LY9: variants seen among roughly 807,000 people sequenced by gnomAD.
LY9 encodes the protein lymphocyte antigen 9, also known as T-lymphocyte surface antigen Ly-9.
A neutral mutation model predicts 64.6 loss-of-function variants in LY9; 59 were observed. The ratio of observed to expected loss-of-function variants is 0.91; its 90% CI spans 0.74 to 1.13. LY9 has a LOEUF of 1.13. Ranked by LOEUF, LY9 falls within the 50% of genes most tolerant of loss-of-function variation. The pLI is 0.00. For synonymous variants in LY9, 281 were observed against 308.5 expected, an observed-to-expected ratio of 0.91 and a Z score of 0.93; for missense variants, 789 against 797.2, an observed-to-expected ratio of 0.99 and a Z score of 0.12.
chr1:160,807,103 CTT>C (rs1281385823), intron 2 of LY9, among the ~76,000 whole-genome samples: 3 of 152,106 alleles, frequency 2.0e-5, no homozygotes, highest in Admixed American at 6.6e-5. Flanking sequence ...ATATCTATCT[CTT>C]TGGTTAATTT....
chr1:160,802,204 T>C, intron 2 of LY9: 2 of 1,166,394 alleles, frequency 1.7e-6, no homozygotes, highest in South Asian at 2.9e-5. Context: ...GCTTGGTCTT[T>C]CTCCGCTTGG....
chr1:160,810,752 T>C (rs1335763946), intron 2 of LY9: 1 of 152,256 alleles, frequency 6.6e-6, no homozygotes, highest in South Asian at 2.1e-4. Flanking sequence ...AAGTCCAAAA[T>C]CCATCTAAAT....
chr1:160,822,060 C>T (rs1051292492), intron 7 of LY9, among the ~76,000 whole-genome samples: 1 of 152,146 alleles, frequency 6.6e-6, no homozygotes, highest in Non-Finnish European at 1.5e-5. Flanking sequence ...TAGGCACTTA[C>T]TAAATATGAG....
rs369839095 is a variant in LY9 at position 160,824,221 on chromosome 1, C to G, written c.1871C>G (p.Thr624Arg). 4 of 1,614,186 alleles carry G rather than the reference C, an allele frequency of 2.5e-6. No individual in the cohort carries two copies. Among genetic ancestry groups the G allele is most frequent in the Non-Finnish European group, 3.4e-6 (4 of 1,180,014 alleles). Residue 624 changes from threonine (T) to arginine (R), a missense_variant, in exon 9 of 10, where the codon ACA becomes AGA. Thr to Arg is a moderately conservative substitution (Grantham distance 71). Transcript: ENST00000263285. Reference sequence around the variant, plus strand: ...TCTCAGAAGGAAGAGAGCTCAGCCACAATCTACTGCTCCATACGGAAACCT... The same window carrying G: ...TCTCAGAAGGAAGAGAGCTCAGCCAGAATCTACTGCTCCATACGGAAACCT... ...PVSQKEESSA[T>R]IYCSIRKPQV...
At chr1:160,799,728 C>G (rs749530640) in intron 1 of LY9, 25 bp from the exon 2 acceptor site, 2 of 1,521,002 alleles carry the variant, frequency 1.3e-6, no homozygotes, top group Non-Finnish European at 1.8e-6. Flanking sequence ...AGCTGCTCCT[C>G]CAAGTCCCTC....
In LY9 at chr1:160,823,688, C is replaced by A; in HGVS notation, c.1722C>A (p.Asp574Glu). 6.2e-7 allele frequency: 1 copy of A among 1,613,926 alleles called. No homozygotes were observed. Among genetic ancestry groups the A allele is most frequent in the East Asian group, 2.2e-5 (1 of 44,882 alleles). Residue 574 changes from aspartate to glutamate, a missense_variant, in exon 8 of 10, where the codon GAC (aspartate) becomes GAA (glutamate). Physicochemically the swap from Asp to Glu is conservative, Grantham distance 45. Coordinates refer to ENST00000263285, the MANE Select transcript of LY9 (RefSeq NM_002348.4). ...DQVTQEGAGH[D>E]PAPEGQADYD... is the part of the protein sequence containing the mutation. ...TCACTCAGGAGGGCGCTGGACATGACCCAGCCCCTGAGGGCCAAGCAGACT... is the reference window on the plus strand; with the variant it reads ...TCACTCAGGAGGGCGCTGGACATGAACCAGCCCCTGAGGGCCAAGCAGACT...
chr1:160,815,664 G>T (rs1048236132), intron 4 of LY9, among the ~76,000 whole-genome samples: 3 of 152,220 alleles, frequency 2.0e-5, no homozygotes, highest in African/African-American at 7.2e-5. Flanking sequence ...GGGATTACAG[G>T]CATGAGCCAT....
chr1:160,816,903 G>C, intron 5 of LY9, 40 bp downstream of exon 5: 1 of 1,606,998 alleles, frequency 6.2e-7, no homozygotes. Flanking sequence ...ACAGGACCTT[G>C]GGGCCTCCAA....
At chr1:160,809,747 C>A (rs542901274) in intron 2 of LY9, 11 of 152,304 alleles carry the variant, frequency 7.2e-5, no homozygotes, top group South Asian at 4.1e-4. Flanking sequence ...TTGAGAGACA[C>A]CATTTCCTTA....
chr1:160,810,321 C>G (rs1179313479), intron 2 of LY9: 1 of 152,212 alleles, frequency 6.6e-6, no homozygotes, highest in Non-Finnish European at 1.5e-5. Context: ...AAATTTATTT[C>G]TCACAATTCT....
At chr1:160,801,951 C>A in intron 2 of LY9, 1 of 1,609,380 alleles carries the variant, frequency 6.2e-7, no homozygotes. Flanking sequence ...GAGACCGCTC[C>A]GCCATCCCCA....
chr1:160,801,083 A>T (rs1666428695), intron 2 of LY9, among the ~76,000 whole-genome samples: 1 of 152,186 alleles, frequency 6.6e-6, no homozygotes, highest in African/African-American at 2.4e-5. Flanking sequence ...GTAGATATCC[A>T]GTAGTGGTAT....
chr1:160,818,817 T>A (rs1399270114), intron 6 of LY9, among the ~76,000 whole-genome samples: 3 of 151,948 alleles, frequency 2.0e-5, no homozygotes, highest in Non-Finnish European at 4.4e-5. Flanking sequence ...GGGAAGAAAA[T>A]GTGCTTCCCT....
intron 1 of LY9, chr1:160,798,681 C>A (rs546669): frequency 0.29 from 43,449 of 152,176 alleles, 6,428 homozygotes; most frequent in South Asian, 0.45. Flanking sequence ...CCATGACCTG[C>A]ACCAAGCAGC....
rs747744871 is a variant in LY9, at chr1:160,818,329, C to T, written c.1444+10C>T. On this transcript the variant is annotated intron_variant, in intron 6 of 9. Coordinates refer to ENST00000263285, the MANE Select transcript of LY9 (RefSeq NM_002348.4). Reference sequence around the variant, plus strand: ...AAGCGAAAAGGACGGTGTGAGTTTCCGAGATCAATGTTGTCCGCCAGTGCT... The same window carrying T: ...AAGCGAAAAGGACGGTGTGAGTTTCTGAGATCAATGTTGTCCGCCAGTGCT... The T allele has an allele frequency of 5.5e-5, 88 of 1,607,624 alleles. No homozygotes were observed. In the Admixed American group the frequency reaches 1.3e-3, roughly 24 times the overall value.
In LY9 at chr1:160,814,750, T is replaced by G. The variant is rs1186222609; in HGVS notation, c.1061T>G (p.Leu354Arg). 7 of 1,612,882 alleles carry G rather than the reference T, an allele frequency of 4.3e-6. No individual in the cohort carries two copies. Among genetic ancestry groups the G allele is most frequent in the Non-Finnish European group, 5.9e-6 (7 of 1,179,338 alleles). The change falls in exon 4 of 10, where the codon CTG (leucine) becomes CGG (arginine). Residue 354 changes from leucine (L) to arginine (R), a missense_variant. By Grantham distance (102) the Leu-to-Arg change is moderately radical. Coordinates refer to ENST00000263285, the MANE Select transcript of LY9 (RefSeq NM_002348.4). ...SSVTSMTHVT[L>R]LIYRRLRKPK... ...GTCACCAGCATGACACATGTCACCC[T>G]GCTCATCTACCGTGAGTCTCTGGGC...
In LY9 at chr1:160,818,247, G is replaced by A; in HGVS notation, c.1372G>A (p.Gly458Arg). 3 of 1,613,894 alleles carry A rather than the reference G, an allele frequency of 1.9e-6. No individual in the cohort carries two copies. Among genetic ancestry groups the A allele is most frequent in the Non-Finnish European group, 2.5e-6 (3 of 1,179,844 alleles). Residue 458 changes from glycine to arginine, a missense_variant, in exon 6 of 10, where the codon GGG becomes AGG. Gly to Arg is a moderately radical substitution (Grantham distance 125). Transcript: ENST00000263285. The part of the protein sequence containing the change: ...GPERNTKLWI[G>R]LFLMVCLLCV... ...TGAGAGAAACACAAAGCTTTGGATT[G>A]GGTTGTTCCTGATGGTTTGCCTTCT...
At position 160,814,337 on chromosome 1, in the gene LY9, C is replaced by T. The variant is rs888735449; in HGVS notation, c.731-83C>T. The T allele has an allele frequency of 1.5e-5, 15 of 1,019,296 alleles. No individual in the cohort carries two copies. The African/African-American group carries it at 1.8e-4, about 12-fold the overall frequency. The allele number at this position is 1,019,296 out of a possible 1,614,324, so 63.1% of individuals were successfully genotyped here. A position where few individuals can be genotyped will look rare whatever the true frequency, so the allele number is the denominator to read the frequency against. On this transcript the variant is annotated intron_variant, in intron 3 of 9. Transcript: ENST00000263285. ...GAGGAAGAGGAGGAGGGACTTCAGT[C>T]CCCTCAGTCCCCTTTAGGATGCCTG...
intron 5 of LY9, 102 bp downstream of exon 5, chr1:160,816,965 G>T (rs1156638658): frequency 1.7e-6 from 2 of 1,208,238 alleles, no homozygotes; most frequent in East Asian, 4.7e-5. Context: ...GGCTGTGGGT[G>T]AGAGCCCTTT....
Sources: allele counts gnomAD v4.1 joint callset (sites outside exome capture counted in the v4.1 genomes callset), GRCh38; gene constraint gnomAD v4.1.1; transcripts MANE v1.5; gene names NCBI Gene and HGNC (gene_info 2026-07-23, HGNC 2026-07-21).